The following MYO5B variants were observed in gnomAD, a reference collection of about 807,000 sequenced individuals.
MYO5B encodes the protein unconventional myosin-Vb.
Under a neutral mutation model 229.3 loss-of-function variants are expected in MYO5B, and 143 were observed. The observed-to-expected ratio is 0.62, with a 90% CI of 0.54 to 0.72. The LOEUF is 0.72. MYO5B is among the 30% of genes least tolerant of loss of function. The pLI is 0.00. For missense variants in MYO5B, 2,321 were observed against 2,331.0 expected, an observed-to-expected ratio of 1.00 and a Z score of 0.09; for synonymous variants, 918 against 885.2, an observed-to-expected ratio of 1.04 and a Z score of -0.66.
At chr18:49,870,776 T>G (rs955937090) in intron 27 of MYO5B, among the ~76,000 whole-genome samples, 4 of 151,744 alleles carry the variant, frequency 2.6e-5, no homozygotes, top group African/African-American at 9.7e-5. Context: ...AATAAATAAA[T>G]AAAAGAAAAG....
Position 50,036,982 on chromosome 18 carries a change from A to G in MYO5B, c.323T>C (p.Val108Ala), listed in dbSNP as rs121908103. The G allele has an allele frequency of 6.2e-7, 1 of 1,614,172 alleles. No homozygotes were observed. Among genetic ancestry groups the G allele is most frequent in the Non-Finnish European group, 8.5e-7 (1 of 1,180,042 alleles). ...HIYTYCGIVLVAINPYEQLPI... is the reference protein window; with the variant it reads ...HIYTYCGIVLAAINPYEQLPI... ...CAACTGTTCATAAGGATTAATGGCAACAAGTACGATACCTGCAAACAGACA... is the reference window on the plus strand; with the variant it reads ...CAACTGTTCATAAGGATTAATGGCAGCAAGTACGATACCTGCAAACAGACA... Residue 108 changes from valine (V) to alanine (A), a missense_variant, in exon 4 of 40, where the codon GTT becomes GCT. Physicochemically the swap from Val to Ala is moderately conservative, Grantham distance 64. Coordinates refer to ENST00000285039, the MANE Select transcript of MYO5B (RefSeq NM_001080467.3).
At chr18:50,116,989 A>C (rs909182381) in intron 1 of MYO5B, among the ~76,000 whole-genome samples, 6 of 152,218 alleles carry the variant, frequency 3.9e-5, no homozygotes, top group Non-Finnish European at 5.9e-5. Flanking sequence ...CTGTCACAGC[A>C]CATAAGTACT....
chr18:49,902,136 G>T (rs560347604), intron 21 of MYO5B, among the ~76,000 whole-genome samples: 1 of 152,310 alleles, frequency 6.6e-6, no homozygotes, highest in South Asian at 2.1e-4. Flanking sequence ...GAGTCTGAAG[G>T]GGTTGGCACG....
chr18:49,974,007 A>C (rs1308162965), intron 10 of MYO5B, among the ~76,000 whole-genome samples: 1 of 152,254 alleles, frequency 6.6e-6, no homozygotes, highest in Non-Finnish European at 1.5e-5. Context: ...CATTTCTCAC[A>C]GTAACTTGCA....
intron 4 of MYO5B, among the ~76,000 whole-genome samples, chr18:50,003,201 T>C (rs1160449548): frequency 6.6e-6 from 1 of 152,176 alleles, no homozygotes; most frequent in Admixed American, 6.5e-5. Context: ...CGGTTAGCAA[T>C]GGGGATGGAC....
At chr18:50,089,470 G>A (rs944120262) in intron 1 of MYO5B, among the ~76,000 whole-genome samples, 12 of 152,070 alleles carry the variant, frequency 7.9e-5, no homozygotes, top group African/African-American at 2.9e-4. Context: ...AAGTGCAGTG[G>A]CTCATGCCTG....
chr18:50,059,513 T>C (rs562455847), intron 1 of MYO5B, among the ~76,000 whole-genome samples: 84 of 152,328 alleles, frequency 5.5e-4, no homozygotes, highest in African/African-American at 1.9e-3. Context: ...GGATTTTGTA[T>C]ATGCAGATCT....
chr18:49,934,796 C>T (rs553431120), intron 16 of MYO5B, among the ~76,000 whole-genome samples: 9 of 152,322 alleles, frequency 5.9e-5, no homozygotes, highest in African/African-American at 1.7e-4. Flanking sequence ...ACCTTTTCCA[C>T]ACAGAGCCCA....
rs377467818 is a variant in MYO5B at position 49,841,464 on chromosome 18, G to A, written c.4612-10C>T. The A allele has an allele frequency of 6.2e-7, 1 of 1,612,700 alleles. No homozygotes were observed. Among genetic ancestry groups the A allele is most frequent in the South Asian group, 1.1e-5 (1 of 91,056 alleles). ...AGTCATCATTGTGCTTCTGTGAAAAGAAAAGGACATCCTCAGCTCTAAGTG... is the reference window on the plus strand; with the variant it reads ...AGTCATCATTGTGCTTCTGTGAAAAAAAAAGGACATCCTCAGCTCTAAGTG... On this transcript the variant is annotated splice_polypyrimidine_tract_variant and intron_variant, in intron 34 of 39. Coordinates refer to ENST00000285039, the MANE Select transcript of MYO5B (RefSeq NM_001080467.3).
intron 1 of MYO5B, among the ~76,000 whole-genome samples, chr18:50,058,591 A>G (rs192546171): frequency 6.6e-6 from 1 of 152,186 alleles, no homozygotes; most frequent in Non-Finnish European, 1.5e-5. Flanking sequence ...TAGGTGGATC[A>G]TTTGAGGTCA....
chr18:50,015,812 C>T (rs992325409), intron 4 of MYO5B, among the ~76,000 whole-genome samples: 1 of 152,190 alleles, frequency 6.6e-6, no homozygotes, highest in Non-Finnish European at 1.5e-5. Context: ...TTGTAAGCAG[C>T]ACGTCCTGCC....
chr18:49,965,464 C>CACAT (rs2025613551), intron 10 of MYO5B, among the ~76,000 whole-genome samples: 1 of 151,430 alleles, frequency 6.6e-6, no homozygotes, highest in South Asian at 2.1e-4. Flanking sequence ...TTCACACACA[C>CACAT]ACACACACAC....
intron 1 of MYO5B, among the ~76,000 whole-genome samples, chr18:50,083,454 G>C (rs565832034): frequency 5.1e-4 from 77 of 152,230 alleles, no homozygotes; most frequent in African/African-American, 1.8e-3. Flanking sequence ...ATACCTAGGG[G>C]CCACCAGCCA....
chr18:50,127,611 G>T (rs770397982), intron 1 of MYO5B, among the ~76,000 whole-genome samples: 3 of 152,222 alleles, frequency 2.0e-5, no homozygotes, highest in African/African-American at 7.2e-5. Flanking sequence ...CCAGTCAAGT[G>T]TAAGTTGATG....
chr18:50,069,171 TA>T (rs112721433), intron 1 of MYO5B, among the ~76,000 whole-genome samples: 219 of 149,610 alleles, frequency 1.5e-3, no homozygotes, highest in African/African-American at 4.3e-3. Flanking sequence ...GTTCCCCGGT[TA>T]AAAAAAAAAT....
At chr18:50,041,986 A>T (rs2030029660) in intron 2 of MYO5B, among the ~76,000 whole-genome samples, 1 of 152,210 alleles carries the variant, frequency 6.6e-6, no homozygotes, top group African/African-American at 2.4e-5. Context: ...ACATGAACAG[A>T]TGAAAAACTA....
At chr18:49,847,892 G>T (rs923942167) in intron 32 of MYO5B, among the ~76,000 whole-genome samples, 5 of 152,224 alleles carry the variant, frequency 3.3e-5, no homozygotes, top group Admixed American at 2.0e-4. Context: ...CTAAATGCAG[G>T]TTCAGGTTTA....
chr18:49,953,332 G>A lies in MYO5B; in HGVS notation c.1680C>T (p.Leu560=). Residue 560 remains leucine (L), a synonymous_variant, in exon 14 of 40, where the codon CTC becomes CTT. Transcript: ENST00000285039. ...IVHFADKVEY[L]SDGFLEKNRD... ...TGTTTTTCTCCAGAAAACCATCAGAGAGGTACTCCACCTGGGGCCACAGCA... is the reference window on the plus strand; with the variant it reads ...TGTTTTTCTCCAGAAAACCATCAGAAAGGTACTCCACCTGGGGCCACAGCA... 1 of 1,614,156 alleles carries A rather than the reference G, an allele frequency of 6.2e-7. No individual in the cohort carries two copies. Among genetic ancestry groups the A allele is most frequent in the Non-Finnish European group, 8.5e-7 (1 of 1,179,998 alleles).
chr18:50,154,639 T>C (rs997837), intron 1 of MYO5B, among the ~76,000 whole-genome samples: 56,530 of 152,062 alleles, frequency 0.37, 11,095 homozygotes, highest in Non-Finnish European at 0.44. Context: ...TGCAATATGC[T>C]TGACAAGCAA....
Sources: gnomAD v4.1 joint callset for allele counts (sites outside exome capture counted in the v4.1 genomes callset) on GRCh38, gnomAD v4.1.1 for gene constraint, MANE v1.5 for transcripts, NCBI Gene and HGNC (gene_info 2026-07-23, HGNC 2026-07-21) for gene names.